XPNPEP3: variants seen among roughly 807,000 people sequenced by gnomAD.
The protein encoded by XPNPEP3 is X-prolyl aminopeptidase 3.
XPNPEP3 carries 41 observed loss-of-function variants against 60.0 expected under a neutral mutation model. That is an observed-to-expected ratio of 0.68 (90% CI 0.53 to 0.89). The LOEUF is 0.89. Ranked by LOEUF, XPNPEP3 falls within the 40% of genes least tolerant of loss-of-function variation. The probability of loss-of-function intolerance (pLI) is 0.00; values close to 1 mark genes in which losing one functional copy is unlikely to be tolerated. For synonymous variants in XPNPEP3, 212 were observed against 223.2 expected, an observed-to-expected ratio of 0.95 and a Z score of 0.45; for missense variants, 598 against 638.9, an observed-to-expected ratio of 0.94 and a Z score of 0.69.
chr22:40,872,787 G>A (rs991539265), intron 2 of XPNPEP3, among the ~76,000 whole-genome samples: 5 of 151,992 alleles, frequency 3.3e-5, no homozygotes, highest in Non-Finnish European at 5.9e-5. Context: ...TATATTATCT[G>A]TACAAGAAAG....
intron 4 of XPNPEP3, among the ~76,000 whole-genome samples, chr22:40,890,012 AAAT>A (rs1290701846): frequency 6.6e-6 from 1 of 152,198 alleles, no homozygotes; most frequent in Non-Finnish European, 1.5e-5. Flanking sequence ...GAGTTATTAA[AAAT>A]AATAATCTAT....
In XPNPEP3 at chr22:40,926,260, A is replaced by G. The variant is rs2058234143; in HGVS notation, c.1358-9A>G. 6.2e-7 allele frequency: 1 copy of G among 1,614,086 alleles called. No homozygotes were observed. ...TCCTGAACAGCATGTTCTTCTTTCT[A>G]CTTCACAGGCATTTATATTCCAGAG... On this transcript the variant is annotated splice_polypyrimidine_tract_variant and intron_variant, in intron 9 of 9. Coordinates refer to ENST00000357137, the MANE Select transcript of XPNPEP3 (RefSeq NM_022098.4).
chr22:40,865,970 A>AT (rs1244945332), intron 1 of XPNPEP3, among the ~76,000 whole-genome samples: 1 of 152,146 alleles, frequency 6.6e-6, no homozygotes, highest in East Asian at 1.9e-4. Flanking sequence ...CTGTGTGCTT[A>AT]TAACACCCTA....
chr22:40,909,041 A>C (rs932905843), intron 5 of XPNPEP3, 81 bp from the exon 6 acceptor site: 2 of 1,034,754 alleles, frequency 1.9e-6, no homozygotes, highest in Admixed American at 3.5e-5. Context: ...ACTGGTATGG[A>C]GGTATGGGCT....
chr22:40,917,014 G>T (rs1014180892), intron 7 of XPNPEP3: 3 of 152,060 alleles, frequency 2.0e-5, no homozygotes, highest in Non-Finnish European at 4.4e-5. Context: ...GGAGACAGAG[G>T]TTGCAGTGAG....
chr22:40,857,745 A>AT (rs1442563317), intron 1 of XPNPEP3, among the ~76,000 whole-genome samples: 2 of 152,358 alleles, frequency 1.3e-5, no homozygotes, highest in South Asian at 2.1e-4. Flanking sequence ...AAGGAGAATA[A>AT]TTTTTTGTAG....
At chr22:40,865,836 T>G (rs1366057044) in intron 1 of XPNPEP3, among the ~76,000 whole-genome samples, 1 of 152,152 alleles carries the variant, frequency 6.6e-6, no homozygotes, top group African/African-American at 2.4e-5. Context: ...TGCCCAGCAC[T>G]AAATACTGTA....
At chr22:40,893,125 A>G (rs1459468602) in intron 4 of XPNPEP3, among the ~76,000 whole-genome samples, 1 of 147,240 alleles carries the variant, frequency 6.8e-6, no homozygotes, top group Non-Finnish European at 1.5e-5. Flanking sequence ...AATATATATT[A>G]TATATTGTAT....
intron 2 of XPNPEP3, among the ~76,000 whole-genome samples, chr22:40,875,114 T>A (rs571341302): frequency 6.6e-6 from 1 of 152,334 alleles, no homozygotes; most frequent in African/African-American, 2.4e-5. Flanking sequence ...GAAGCCCACC[T>A]GTTTTATAAA....
chr22:40,881,170 C>G (rs532866066), intron 2 of XPNPEP3, among the ~76,000 whole-genome samples: 1 of 152,024 alleles, frequency 6.6e-6, no homozygotes, highest in East Asian at 1.9e-4. Flanking sequence ...CTCAGGCTCC[C>G]GAGTAGCTGG....
chr22:40,894,573 A>G (rs1361601356), intron 4 of XPNPEP3, among the ~76,000 whole-genome samples: 1 of 152,192 alleles, frequency 6.6e-6, no homozygotes, highest in Non-Finnish European at 1.5e-5. Flanking sequence ...ACAGAAAATG[A>G]CACTATACTG....
chr22:40,889,976 T>A (rs1275844058), intron 4 of XPNPEP3, among the ~76,000 whole-genome samples: 3 of 152,212 alleles, frequency 2.0e-5, no homozygotes, highest in African/African-American at 4.8e-5. Flanking sequence ...TCCACAGTTT[T>A]CTGCACTTCA....
chr22:40,861,232 T>G, intron 1 of XPNPEP3: 1 of 1,614,180 alleles, frequency 6.2e-7, no homozygotes, highest in Non-Finnish European at 8.5e-7. Flanking sequence ...GATACATGTT[T>G]GGAGCTGTGA....
chr22:40,908,324 A>G (rs1356073591), intron 5 of XPNPEP3, among the ~76,000 whole-genome samples: 1 of 152,188 alleles, frequency 6.6e-6, no homozygotes, highest in Non-Finnish European at 1.5e-5. Flanking sequence ...GTTTGAGACC[A>G]GCCTGGGCAA....
At chr22:40,916,822 C>G (rs2058197912) in intron 7 of XPNPEP3, among the ~76,000 whole-genome samples, 1 of 152,014 alleles carries the variant, frequency 6.6e-6, no homozygotes, top group Admixed American at 6.6e-5. Context: ...AGGCGAGGTG[C>G]CTCATGTAAT....
chr22:40,907,099 A>C (rs1232998682), intron 4 of XPNPEP3: 1 of 456,316 alleles, frequency 2.2e-6, no homozygotes, highest in Non-Finnish European at 4.4e-6. Context: ...GACACATTCA[A>C]GTCAAAGCAA....
At chr22:40,915,765 A>G (rs1601519100) in intron 7 of XPNPEP3, among the ~76,000 whole-genome samples, 2 of 152,138 alleles carry the variant, frequency 1.3e-5, no homozygotes, top group African/African-American at 4.8e-5. Flanking sequence ...GAGCCCCAAA[A>G]TCTGCATACA....
intron 8 of XPNPEP3, among the ~76,000 whole-genome samples, chr22:40,923,553 A>G (rs548043329): frequency 2.6e-5 from 4 of 151,958 alleles, no homozygotes; most frequent in African/African-American, 9.7e-5. Flanking sequence ...TAACTAACTG[A>G]CGGAAATATC....
At chr22:40,866,056 A>G (rs1234747416) in intron 1 of XPNPEP3, among the ~76,000 whole-genome samples, 2 of 152,282 alleles carry the variant, frequency 1.3e-5, no homozygotes, top group East Asian at 1.9e-4. Flanking sequence ...ATTTATTTCC[A>G]ATAAATATCT....
Sources: gnomAD v4.1 joint callset for allele counts (sites outside exome capture counted in the v4.1 genomes callset) on GRCh38, gnomAD v4.1.1 for gene constraint, MANE v1.5 for transcripts, NCBI Gene and HGNC (gene_info 2026-07-23, HGNC 2026-07-21) for gene names.